Variants in CGGBP1 observed in about 807,000 individuals in gnomAD.
CGGBP1 encodes the protein CGG triplet repeat binding protein 1.
In CGGBP1, 4 loss-of-function variants were observed where a neutral mutation model predicts 11.4. The observed-to-expected ratio is 0.35, with a 90% CI of 0.17 to 0.80. The LOEUF (loss-of-function observed/expected upper bound fraction) is 0.80. Among genes scored for constraint, CGGBP1 ranks in the 30% least tolerant of loss-of-function variants. The pLI, the probability that CGGBP1 is intolerant of heterozygous loss-of-function variation, is 0.52. For missense variants in CGGBP1, 135 were observed against 202.1 expected (o/e 0.67, Z 2.01); for synonymous variants, 76 against 74.1 (o/e 1.03, Z -0.13).
At chr3:88,122,113 A>T (rs1251682108) in intron 2 of CGGBP1, among the ~76,000 whole-genome samples, 1 of 152,164 alleles carries the variant, frequency 6.6e-6, no homozygotes, top group African/African-American at 2.4e-5. Context: ...AATTAAGTTT[A>T]TTATGGATTA....
intron 2 of CGGBP1, among the ~76,000 whole-genome samples, chr3:88,109,071 A>C (rs373532461): frequency 1.3e-4 from 20 of 151,550 alleles, no homozygotes; most frequent in African/African-American, 4.6e-4. Flanking sequence ...GTTAGGTGCT[A>C]TCCGTGGTTT....
At chr3:88,115,640 A>G (rs1705344455) in intron 2 of CGGBP1, among the ~76,000 whole-genome samples, 1 of 152,176 alleles carries the variant, frequency 6.6e-6, no homozygotes, top group South Asian at 2.1e-4. Flanking sequence ...TCAAGTAGAA[A>G]TTTTTAACTC....
At chr3:88,095,630 G>A (rs530638329) in intron 2 of CGGBP1, 24 of 510,524 alleles carry the variant, frequency 4.7e-5, no homozygotes, top group South Asian at 2.3e-4. Context: ...GTCTTATCTC[G>A]AAGCCCCAAG....
chr3:88,081,188 G>T (rs1708057163), intron 2 of CGGBP1, among the ~76,000 whole-genome samples: 1 of 152,180 alleles, frequency 6.6e-6, no homozygotes. Flanking sequence ...CCACAAAAAT[G>T]GCATTGTGTC....
intron 2 of CGGBP1, among the ~76,000 whole-genome samples, chr3:88,111,074 T>TGCTGTGTTGAACTGTTC (rs1705063076): frequency 6.6e-6 from 1 of 152,026 alleles, no homozygotes; most frequent in Non-Finnish European, 1.5e-5. Context: ...AGGAAGATAA[T>TGCTGTGTTGAACTGTTC]AACTGCTGTG....
chr3:88,111,678 T>C (rs937368690), intron 2 of CGGBP1, among the ~76,000 whole-genome samples: 6 of 152,002 alleles, frequency 3.9e-5, no homozygotes, highest in African/African-American at 1.4e-4. Context: ...TTTGAGCTTA[T>C]ATATGTATAT....
chr3:88,125,085 C>T (rs773567655), intron 2 of CGGBP1, among the ~76,000 whole-genome samples: 3 of 151,610 alleles, frequency 2.0e-5, no homozygotes, highest in Non-Finnish European at 4.4e-5. Flanking sequence ...CATGGTGACA[C>T]GCGCCTGTAG....
chr3:88,116,537 A>G (rs916947718), intron 2 of CGGBP1, among the ~76,000 whole-genome samples: 7 of 119,990 alleles, frequency 5.8e-5, no homozygotes, highest in Non-Finnish European at 1.2e-4. Flanking sequence ...AAGAAAAAAA[A>G]ATACATACAT....
In CGGBP1 at chr3:88,054,818, G is replaced by A. The variant is rs562573965; in HGVS notation, c.*655C>T. 13 of 152,678 alleles carry A rather than the reference G, an allele frequency of 8.5e-5. No homozygotes were observed. Among genetic ancestry groups the A allele is most frequent in the African/African-American group, 2.4e-4 (10 of 41,544 alleles). 9.5% of individuals were successfully genotyped at this position (152,678 alleles called of 1,614,324 possible). On this transcript the variant is annotated 3_prime_UTR_variant, in exon 4 of 4. Transcript: ENST00000482016. ...ATTCCCCTTGGCTTTTGGCATTGACGTTGAAAGATTTTAGTCTTTTGGTCA... is the reference window on the plus strand; with the variant it reads ...ATTCCCCTTGGCTTTTGGCATTGACATTGAAAGATTTTAGTCTTTTGGTCA...
intron 2 of CGGBP1, among the ~76,000 whole-genome samples, chr3:88,087,230 A>G (rs2107665171): frequency 6.6e-6 from 1 of 151,416 alleles, no homozygotes; most frequent in South Asian, 2.1e-4. Context: ...GGTGTGCACC[A>G]CCATGCCTGG....
chr3:88,067,726 C>A (rs1409050378), intron 2 of CGGBP1, among the ~76,000 whole-genome samples: 1 of 152,062 alleles, frequency 6.6e-6, no homozygotes, highest in Non-Finnish European at 1.5e-5. Context: ...CTAAACAGAG[C>A]TGTTTTGGTG....
intron 2 of CGGBP1, among the ~76,000 whole-genome samples, chr3:88,114,495 G>A (rs562074858): frequency 2.0e-5 from 3 of 152,042 alleles, no homozygotes; most frequent in South Asian, 4.2e-4. Flanking sequence ...AAAAGTTAGC[G>A]GTTTTGCATA....
At chr3:88,077,178 C>T (rs1310422245) in intron 2 of CGGBP1, among the ~76,000 whole-genome samples, 2 of 152,098 alleles carry the variant, frequency 1.3e-5, no homozygotes, top group African/African-American at 2.4e-5. Context: ...ATATAAGAAT[C>T]AGAATAGGGG....
intron 2 of CGGBP1, among the ~76,000 whole-genome samples, chr3:88,094,051 C>T (rs1172367357): frequency 1.3e-5 from 2 of 151,772 alleles, no homozygotes; most frequent in Non-Finnish European, 2.9e-5. Context: ...AGAGAAAAAT[C>T]TAGGTCGTCT....
At chr3:88,100,631 T>TA (rs1426061506) in intron 2 of CGGBP1, among the ~76,000 whole-genome samples, 2 of 152,172 alleles carry the variant, frequency 1.3e-5, no homozygotes, top group East Asian at 3.9e-4. Context: ...GATGCAGCCA[T>TA]AAAAAGGATG....
At chr3:88,115,710 A>C (rs915818599) in intron 2 of CGGBP1, among the ~76,000 whole-genome samples, 1 of 152,168 alleles carries the variant, frequency 6.6e-6, no homozygotes, top group Admixed American at 6.5e-5. Context: ...CTTAGAGCCA[A>C]ATGTTCCATT....
At chr3:88,146,907 G>A (rs1229883989) in intron 1 of CGGBP1, among the ~76,000 whole-genome samples, 1 of 152,008 alleles carries the variant, frequency 6.6e-6, no homozygotes, top group Non-Finnish European at 1.5e-5. Flanking sequence ...ACTCTATCAT[G>A]CCCTTCAAGC....
In CGGBP1 at chr3:88,072,616, G is replaced by A. The variant is rs572218199; in HGVS notation, c.-228-14393C>T. On this transcript the variant is annotated intron_variant, in intron 2 of 3. Coordinates refer to the CGGBP1 transcript ENST00000462901. ...ATAGACTCTTATTAGAGAGATAGAG[G>A]CCTTCCCTGAACACCCCATGTAAAG... 2.6e-5 allele frequency among the ~76,000 whole-genome samples: 4 copies of A among 152,214 alleles called. No homozygotes were observed. In the South Asian group the frequency reaches 6.2e-4, roughly 24 times the overall value.
At chr3:88,061,821 C>G (rs1233654880), upstream of CGGBP1, among the ~76,000 whole-genome samples, 1 of 152,092 alleles carries the variant, frequency 6.6e-6, no homozygotes, top group African/African-American at 2.4e-5. Context: ...TAGTGAATGA[C>G]TTAATCGTGA....
Sources: allele counts gnomAD v4.1 joint callset (sites outside exome capture counted in the v4.1 genomes callset), GRCh38; gene constraint gnomAD v4.1.1; transcripts MANE v1.5; gene names NCBI Gene and HGNC (gene_info 2026-07-23, HGNC 2026-07-21).